Variants in TENT4B observed in about 807,000 individuals in gnomAD.
TENT4B encodes the protein terminal nucleotidyltransferase 4B.
In TENT4B, 10 loss-of-function variants were observed where a neutral mutation model predicts 75.0. The ratio of observed to expected loss-of-function variants is 0.13; its 90% CI spans 0.08 to 0.23. TENT4B has a LOEUF of 0.23. TENT4B is among the 10% of genes least tolerant of loss of function. The pLI is 1.00. For synonymous variants in TENT4B, 350 were observed against 357.7 expected (o/e 0.98, Z 0.24); for missense variants, 579 against 893.8 (o/e 0.65, Z 4.49).
intron 11 of TENT4B, among the ~76,000 whole-genome samples, chr16:50,228,361 A>G (rs1309639223): frequency 6.6e-6 from 1 of 152,218 alleles, no homozygotes; most frequent in Non-Finnish European, 1.5e-5. Flanking sequence ...ATCCTTTTCT[A>G]ATATTTTAAT....
At chr16:50,197,999 A>G (rs895461401) in intron 1 of TENT4B, among the ~76,000 whole-genome samples, 1 of 152,088 alleles carries the variant, frequency 6.6e-6, no homozygotes, top group Admixed American at 6.6e-5. Context: ...TGCCCTCACC[A>G]TGTTATTTGA....
At chr16:50,166,875 C>G (rs563534539) in intron 1 of TENT4B, among the ~76,000 whole-genome samples, 61 of 151,708 alleles carry the variant, frequency 4.0e-4, no homozygotes, top group Admixed American at 4.6e-4. Flanking sequence ...AGCAATCCGC[C>G]CATCTCAGCT....
chr16:50,209,823 G>T (rs1486822637), intron 1 of TENT4B, among the ~76,000 whole-genome samples: 1 of 152,216 alleles, frequency 6.6e-6, no homozygotes, highest in Non-Finnish European at 1.5e-5. Flanking sequence ...ACTATGGATT[G>T]CTTAATCAGT....
chr16:50,228,082 C>T, intron 11 of TENT4B, 79 bp downstream of exon 11: 2 of 1,505,002 alleles, frequency 1.3e-6, no homozygotes, highest in Non-Finnish European at 1.8e-6. Flanking sequence ...TAATATGCAG[C>T]ATGGGTTTGA....
In TENT4B at chr16:50,154,179, G is replaced by T; in HGVS notation, c.558G>T (p.Gly186=). Residue 186 remains glycine, a synonymous_variant, in exon 1 of 12, where the codon GGG becomes GGT. Coordinates refer to ENST00000561678, the MANE Select transcript of TENT4B (RefSeq NM_001365324.3). The stretch of plus-strand genomic sequence containing the variant: ...AGCCCAGCGGAGGGCGGGCCGCGGG[G>T]GGCGGCCGAGCAGACGGCGGCGGGG... ...LLQPSGGRAA[G]GGRADGGGVV... 1 of 1,509,442 alleles carries T rather than the reference G, an allele frequency of 6.6e-7. No homozygotes were observed. The allele number at this position is 1,509,442 out of a possible 1,614,324, so 93.5% of individuals were successfully genotyped here.
chr16:50,211,843 G>A (rs1253929792), intron 2 of TENT4B, among the ~76,000 whole-genome samples: 6 of 152,144 alleles, frequency 3.9e-5, no homozygotes, highest in Admixed American at 2.6e-4. Context: ...ATTGTTTACA[G>A]CTAAATGAAA....
At chr16:50,225,655 C>G (rs2032015796) in intron 10 of TENT4B, among the ~76,000 whole-genome samples, 1 of 151,920 alleles carries the variant, frequency 6.6e-6, no homozygotes, top group Non-Finnish European at 1.5e-5. Context: ...ATCCTTGTAG[C>G]CAGACTCCAG....
Position 50,217,623 on chromosome 16 carries a change from A to G in TENT4B, c.998A>G (p.Asn333Ser). Reference protein sequence around the residue: ...VKVDISFNVQNGVRAADLIKD... With the variant: ...VKVDISFNVQSGVRAADLIKD... Reference sequence around the variant, plus strand: ...GTTGATATCAGCTTTAATGTACAGAATGGCGTGAGAGCAGCTGACCTCATC... The same window carrying G: ...GTTGATATCAGCTTTAATGTACAGAGTGGCGTGAGAGCAGCTGACCTCATC... Residue 333 changes from asparagine (N) to serine (S), a missense_variant, in exon 5 of 12, where the codon AAT becomes AGT. Physicochemically the swap from Asn to Ser is conservative, Grantham distance 46. This residue lies in a region of TENT4B where 55 missense variants were observed against 77.1 expected (regional missense o/e 0.71). Transcript: ENST00000561678. 1 of 1,536,722 alleles carries G rather than the reference A, an allele frequency of 6.5e-7. No individual in the cohort carries two copies. Among genetic ancestry groups the G allele is most frequent in the Non-Finnish European group, 8.7e-7 (1 of 1,143,872 alleles).
intron 2 of TENT4B, 104 bp from the exon 3 acceptor site, chr16:50,214,117 C>A: frequency 1.2e-6 from 1 of 829,118 alleles, no homozygotes; most frequent in Non-Finnish European, 1.9e-6. Flanking sequence ...CAAAAAGTAC[C>A]AGTAGAGGGT....
Position 50,153,390 on chromosome 16 carries a change from G to A in TENT4B, c.-232G>A, listed in dbSNP as rs961864025. ...CTCGGCGGAGGGGCGGAGGGGCGGA[G>A]GGAGGGGGGGAGGGCCCGCGGAGCC... On this transcript the variant is annotated 5_prime_UTR_variant, in exon 1 of 12. Transcript: ENST00000561678. 6.8e-6 allele frequency among the ~76,000 whole-genome samples: 1 copy of A among 146,138 alleles called. No individual in the cohort carries two copies. The highest frequency in any genetic ancestry group is 6.8e-5 in the Admixed American group (1 of 14,746).
chr16:50,182,921 T>TTTTTG, intron 1 of TENT4B, among the ~76,000 whole-genome samples: 1 of 140,830 alleles, frequency 7.1e-6, no homozygotes, highest in African/African-American at 2.7e-5. Context: ...TTTTTTTTTT[T>TTTTTG]TGAGTTAGGC....
At chr16:50,221,027 C>T (rs1162805111) in intron 5 of TENT4B, among the ~76,000 whole-genome samples, 1 of 151,994 alleles carries the variant, frequency 6.6e-6, no homozygotes, top group East Asian at 1.9e-4. Context: ...TGTTTCACAC[C>T]TGTAATCCCA....
chr16:50,153,194 G>GC (rs1359596918), upstream of TENT4B, among the ~76,000 whole-genome samples: 73 of 123,928 alleles, frequency 5.9e-4, 4 homozygotes, highest in African/African-American at 1.9e-3. Context: ...GGGGGGGGGG[G>GC]GCGGAGCGAG....
At chr16:50,160,543 T>G (rs941961159) in intron 1 of TENT4B, among the ~76,000 whole-genome samples, 1 of 152,174 alleles carries the variant, frequency 6.6e-6, no homozygotes, top group African/African-American at 2.4e-5. Context: ...TCTCAATTTC[T>G]TCCGTGAAAT....
chr16:50,156,264 C>CA (rs1273963666), intron 1 of TENT4B, among the ~76,000 whole-genome samples: 1 of 151,378 alleles, frequency 6.6e-6, no homozygotes, highest in African/African-American at 2.4e-5. Flanking sequence ...CTCCTAGTTT[C>CA]AAAAAATACA....
At position 50,153,475 on chromosome 16, in the gene TENT4B, C is replaced by A. The variant is rs1217392306; in HGVS notation, c.-147C>A. On this transcript the variant is annotated 5_prime_UTR_variant, in exon 1 of 12. Transcript: ENST00000561678. Reference sequence around the variant, plus strand: ...GGGCTCCCTGCGCGACCGCGCCGCCCGCGGCGGGCCCCGAGCAGCAGCAGC... The same window carrying A: ...GGGCTCCCTGCGCGACCGCGCCGCCAGCGGCGGGCCCCGAGCAGCAGCAGC... 4 of 972,076 alleles carry A rather than the reference C, an allele frequency of 4.1e-6. No homozygotes were observed. In the Admixed American group the frequency reaches 1.9e-4, roughly 47 times the overall value. 60.2% of individuals were successfully genotyped at this position (972,076 alleles called of 1,614,324 possible).
intron 1 of TENT4B, among the ~76,000 whole-genome samples, chr16:50,181,552 G>C (rs1596679925): frequency 6.7e-6 from 1 of 148,764 alleles, no homozygotes; most frequent in South Asian, 2.1e-4. Flanking sequence ...CAACTCACCT[G>C]CCTCGGCCTT....
chr16:50,172,385 C>T (rs2038222034), intron 1 of TENT4B, among the ~76,000 whole-genome samples: 1 of 152,024 alleles, frequency 6.6e-6, no homozygotes, highest in Non-Finnish European at 1.5e-5. Flanking sequence ...ACATGAAACC[C>T]ACCTGTACGG....
intron 1 of TENT4B, among the ~76,000 whole-genome samples, chr16:50,202,739 A>G (rs2030726146): frequency 6.6e-6 from 1 of 152,192 alleles, no homozygotes; most frequent in South Asian, 2.1e-4. Flanking sequence ...ACTCTTGGGT[A>G]ATGATTTCTT....
Sources: allele counts gnomAD v4.1 joint callset (sites outside exome capture counted in the v4.1 genomes callset), GRCh38; gene constraint gnomAD v4.1.1; regional missense constraint gnomAD v4.1.1; transcripts MANE v1.5; gene names NCBI Gene and HGNC (gene_info 2026-07-23, HGNC 2026-07-21).